Variants in ARHGEF28 observed in about 807,000 individuals in gnomAD.
The protein encoded by ARHGEF28 is 190 kDa guanine nucleotide exchange factor.
In ARHGEF28, 152 loss-of-function variants were observed where a neutral mutation model predicts 206.6. That is an observed-to-expected ratio of 0.74 (90% confidence interval 0.64 to 0.84). The LOEUF (loss-of-function observed/expected upper bound fraction) is 0.84, where lower values mean the gene tolerates loss of function less well. Among genes scored for constraint, ARHGEF28 ranks in the 40% least tolerant of loss-of-function variants. ARHGEF28 has a pLI of 0.00. For missense variants in ARHGEF28, 2,028 were observed against 2,073.2 expected, an observed-to-expected ratio of 0.98 and a Z score of 0.42; for synonymous variants, 763 against 776.4, an observed-to-expected ratio of 0.98 and a Z score of 0.29.
rs59149035 is a variant in ARHGEF28 at position 73,738,482 on chromosome 5, CGTGTGTGTGTGTGT to C, written c.34-11332_34-11319del. On this transcript the variant is annotated intron_variant, in intron 2 of 35. Coordinates refer to ENST00000513042, the MANE Select transcript of ARHGEF28 (RefSeq NM_001177693.2). ...TAGCACTCTTATTTAAGAGTGGCCTCGTGTGTGTGTGTGTGTGTGTGTGTGTGTGTGTGTGTATG... is the reference window on the plus strand; with the variant it reads ...TAGCACTCTTATTTAAGAGTGGCCTCGTGTGTGTGTGTGTGTGTGTGTATG... 9.5e-3 allele frequency among the ~76,000 whole-genome samples: 1,378 copies of C among 145,604 alleles called. 29 individuals are homozygous for C. The highest frequency in any genetic ancestry group is 0.037 in the South Asian group (164 of 4,430).
chr5:73,937,976 A>G (rs1029678917), intron 35 of ARHGEF28, among the ~76,000 whole-genome samples: 1 of 152,184 alleles, frequency 6.6e-6, no homozygotes, highest in Admixed American at 6.5e-5. Context: ...ACCAAGAAGG[A>G]ACATGGAGAA....
chr5:73,664,533 G>T (rs553870707), intron 1 of ARHGEF28, among the ~76,000 whole-genome samples: 320 of 152,240 alleles, frequency 2.1e-3, no homozygotes, highest in African/African-American at 7.2e-3. Context: ...ATAATATATG[G>T]TTGTAAAGAT....
intron 9 of ARHGEF28, among the ~76,000 whole-genome samples, chr5:73,809,989 T>C (rs1320846117): frequency 2.0e-5 from 3 of 152,128 alleles, no homozygotes; most frequent in Non-Finnish European, 4.4e-5. Context: ...TTAATTTAAA[T>C]GCAATTATAT....
At chr5:73,846,763 C>T (rs148964814) in intron 12 of ARHGEF28, among the ~76,000 whole-genome samples, 1 of 152,224 alleles carries the variant, frequency 6.6e-6, no homozygotes, top group East Asian at 1.9e-4. Context: ...ACAATGATTT[C>T]TCCCATCATC....
At chr5:73,895,067 C>A (rs929188727) in intron 29 of ARHGEF28, among the ~76,000 whole-genome samples, 1 of 152,062 alleles carries the variant, frequency 6.6e-6, no homozygotes, top group Non-Finnish European at 1.5e-5. Context: ...TTCACTAGGT[C>A]TCAGGTTGCA....
chr5:73,797,056 G>A lies in ARHGEF28; in HGVS notation c.1024+1665G>A, dbSNP rs1256555786. On this transcript the variant is annotated intron_variant, in intron 9 of 35. Transcript: ENST00000513042. Reference sequence around the variant, plus strand: ...CTTGTGAGCAAGAAGCATGTGCTACGGAAATTGTAGTAGTCTGACCTCGTC... The same window carrying A: ...CTTGTGAGCAAGAAGCATGTGCTACAGAAATTGTAGTAGTCTGACCTCGTC... Among the ~76,000 whole-genome samples, 6 of 152,290 alleles carry A rather than the reference G, an allele frequency of 3.9e-5. No individual in the cohort carries two copies. In the East Asian group the frequency reaches 9.6e-4, roughly 24 times the overall value.
chr5:73,709,955 C>G (rs1749148500), intron 2 of ARHGEF28, among the ~76,000 whole-genome samples: 1 of 152,190 alleles, frequency 6.6e-6, no homozygotes, highest in Admixed American at 6.5e-5. Flanking sequence ...AGATGTACCA[C>G]AGTTTGTTTA....
At chr5:73,715,022 A>G (rs1749493940) in intron 2 of ARHGEF28, among the ~76,000 whole-genome samples, 1 of 152,256 alleles carries the variant, frequency 6.6e-6, no homozygotes, top group Non-Finnish European at 1.5e-5. Flanking sequence ...ATCACTCCTT[A>G]ATACAAAGTG....
chr5:73,709,577 G>A (rs1035445741), intron 2 of ARHGEF28, among the ~76,000 whole-genome samples: 14 of 152,224 alleles, frequency 9.2e-5, no homozygotes, highest in African/African-American at 3.4e-4. Context: ...GAGCAGGGAG[G>A]AGGAGGTAAC....
At chr5:73,879,491 G>T (rs1430714675) in intron 22 of ARHGEF28, among the ~76,000 whole-genome samples, 1 of 152,092 alleles carries the variant, frequency 6.6e-6, no homozygotes, top group Non-Finnish European at 1.5e-5. Context: ...TTTGGAGGAG[G>T]AGAGGCGCTC....
At chr5:73,885,474 A>AT (rs747988864) in intron 24 of ARHGEF28, among the ~76,000 whole-genome samples, 311 of 138,008 alleles carry the variant, frequency 2.3e-3, no homozygotes, top group East Asian at 3.3e-3. Flanking sequence ...ATAGGATTTA[A>AT]TTTTTTTTTT....
chr5:73,826,932 T>A (rs1301314769), intron 9 of ARHGEF28, among the ~76,000 whole-genome samples: 1 of 152,184 alleles, frequency 6.6e-6, no homozygotes, highest in Non-Finnish European at 1.5e-5. Context: ...GGGGATCCCC[T>A]TGGAGTTGCT....
intron 10 of ARHGEF28, among the ~76,000 whole-genome samples, chr5:73,839,180 C>A (rs938944065): frequency 1.3e-5 from 2 of 152,044 alleles, no homozygotes; most frequent in South Asian, 2.1e-4. Context: ...TCAATCTGTC[C>A]CATTACTGGT....
intron 4 of ARHGEF28, among the ~76,000 whole-genome samples, chr5:73,768,030 G>T (rs1404541458): frequency 6.6e-6 from 1 of 152,300 alleles, no homozygotes; most frequent in East Asian, 1.9e-4. Flanking sequence ...TCAAGCCTTG[G>T]CAGCCTCCAC....
At chr5:73,754,752 A>C (rs1342602628) in intron 4 of ARHGEF28, among the ~76,000 whole-genome samples, 1 of 152,136 alleles carries the variant, frequency 6.6e-6, no homozygotes, top group East Asian at 1.9e-4. Flanking sequence ...GCTGGAGCGC[A>C]GTGGCACAAT....
intron 6 of ARHGEF28, 198 bp from the exon 7 acceptor site, chr5:73,780,478 T>A (rs951937190): frequency 9.3e-5 from 53 of 572,484 alleles, no homozygotes; most frequent in Admixed American, 6.4e-4. Context: ...GCCCCTGCCT[T>A]GGAGTTTCTC....
intron 21 of ARHGEF28, among the ~76,000 whole-genome samples, 195 bp downstream of exon 21, chr5:73,870,404 G>A (rs901374533): frequency 3.9e-5 from 6 of 152,028 alleles, no homozygotes; most frequent in African/African-American, 1.2e-4. Flanking sequence ...AAAAGTAATA[G>A]CAAAAACCAC....
chr5:73,829,954 A>G (rs770468350), intron 9 of ARHGEF28, among the ~76,000 whole-genome samples: 18 of 152,182 alleles, frequency 1.2e-4, no homozygotes, highest in Non-Finnish European at 7.4e-5. Flanking sequence ...GAGACCCACA[A>G]TCTCTTCTTT....
intron 35 of ARHGEF28, among the ~76,000 whole-genome samples, chr5:73,938,160 CCACACA>C (rs199804024): frequency 1.6e-3 from 226 of 139,642 alleles, no homozygotes; most frequent in East Asian, 0.013. Flanking sequence ...CTACACTACA[CCACACA>C]CACACACACA....
Sources: allele counts gnomAD v4.1 joint callset (sites outside exome capture counted in the v4.1 genomes callset), GRCh38; gene constraint gnomAD v4.1.1; transcripts MANE v1.5; gene names NCBI Gene and HGNC (gene_info 2026-07-23, HGNC 2026-07-21).